DMXL1: variants seen among roughly 807,000 people sequenced by gnomAD.
DMXL1 encodes the protein Dmx like 1.
A neutral mutation model predicts 319.2 loss-of-function variants in DMXL1; 99 were observed. The ratio of observed to expected loss-of-function variants is 0.31; its 90% CI spans 0.26 to 0.37. DMXL1 has a LOEUF of 0.37. DMXL1 is among the 10% of genes least tolerant of loss of function. The probability of loss-of-function intolerance (pLI) is 1.00; values close to 1 mark genes in which losing one functional copy is unlikely to be tolerated. For missense variants in DMXL1, 3,745 were observed against 3,595.6 expected (o/e 1.04, Z -1.06); for synonymous variants, 1,385 against 1,235.2 (o/e 1.12, Z -2.54).
intron 20 of DMXL1, among the ~76,000 whole-genome samples, chr5:119,164,957 G>T (rs1407883944): frequency 6.7e-6 from 1 of 150,144 alleles, no homozygotes; most frequent in Non-Finnish European, 1.5e-5. Flanking sequence ...TAGTACAGAA[G>T]AACTTGTAAT....
At chr5:119,191,961 G>C (rs1778776027) in intron 29 of DMXL1, among the ~76,000 whole-genome samples, 1 of 152,108 alleles carries the variant, frequency 6.6e-6, no homozygotes, top group African/African-American at 2.4e-5. Flanking sequence ...CTACAATTTT[G>C]TTCAATTTTA....
intron 29 of DMXL1, among the ~76,000 whole-genome samples, chr5:119,191,114 T>C (rs541498883): frequency 1.3e-5 from 2 of 152,364 alleles, no homozygotes; most frequent in South Asian, 4.1e-4. Flanking sequence ...GACAAATATC[T>C]TTAAAGGTCA....
chr5:119,211,684 G>A (rs1308983434), intron 34 of DMXL1, among the ~76,000 whole-genome samples: 6 of 152,168 alleles, frequency 3.9e-5, no homozygotes, highest in African/African-American at 1.2e-4. Context: ...TATGCCTTCG[G>A]CATTCTTTAG....
chr5:119,192,707 C>G (rs1778913226), intron 29 of DMXL1, among the ~76,000 whole-genome samples: 1 of 152,126 alleles, frequency 6.6e-6, no homozygotes, highest in South Asian at 2.1e-4. Context: ...CTCTTGATGA[C>G]AATCTCTTGT....
At chr5:119,166,081 C>T (rs980937331) in intron 21 of DMXL1, among the ~76,000 whole-genome samples, 1 of 152,220 alleles carries the variant, frequency 6.6e-6, no homozygotes, top group African/African-American at 2.4e-5. Context: ...TTCTCTCTCA[C>T]TTCTGAGCAA....
chr5:119,237,817 T>C (rs1317227434), intron 40 of DMXL1, among the ~76,000 whole-genome samples: 1 of 152,102 alleles, frequency 6.6e-6, no homozygotes, highest in Non-Finnish European at 1.5e-5. Flanking sequence ...CTATAGCTGG[T>C]ACTGTTATTT....
chr5:119,154,343 C>G (rs1234389963), intron 19 of DMXL1, among the ~76,000 whole-genome samples: 1 of 152,156 alleles, frequency 6.6e-6, no homozygotes, highest in African/African-American at 2.4e-5. Flanking sequence ...ATTGTAAATG[C>G]AAAGGACAAG....
At chr5:119,122,518 C>A (rs1212424037) in intron 9 of DMXL1, among the ~76,000 whole-genome samples, 1 of 151,144 alleles carries the variant, frequency 6.6e-6, no homozygotes, top group Non-Finnish European at 1.5e-5. Flanking sequence ...GGGTGGCTGC[C>A]GGGCGGAGAG....
chr5:119,135,118 C>T (rs1765708460), intron 13 of DMXL1, among the ~76,000 whole-genome samples: 1 of 152,020 alleles, frequency 6.6e-6, no homozygotes, highest in African/African-American at 2.4e-5. Flanking sequence ...CATAATTTTG[C>T]AGAACACAAG....
At chr5:119,141,358 C>T (rs1580975240) in intron 13 of DMXL1, among the ~76,000 whole-genome samples, 1 of 152,128 alleles carries the variant, frequency 6.6e-6, no homozygotes, top group African/African-American at 2.4e-5. Context: ...AACCCTATGT[C>T]TTGGCCCAAA....
intron 32 of DMXL1, among the ~76,000 whole-genome samples, chr5:119,199,706 C>A (rs1210984748): frequency 6.6e-6 from 1 of 152,188 alleles, no homozygotes; most frequent in Non-Finnish European, 1.5e-5. Context: ...GTTCCCTTTT[C>A]TCTGCAACCT....
At chr5:119,136,496 A>G (rs565063189) in intron 13 of DMXL1, among the ~76,000 whole-genome samples, 1 of 152,384 alleles carries the variant, frequency 6.6e-6, no homozygotes, top group South Asian at 2.1e-4. Flanking sequence ...TTAATAGCCA[A>G]GGCAATGGGG....
chr5:119,108,815 T>G (rs920923696), intron 4 of DMXL1, among the ~76,000 whole-genome samples: 2 of 152,140 alleles, frequency 1.3e-5, no homozygotes, highest in African/African-American at 4.8e-5. Flanking sequence ...TTTCCTTTTT[T>G]TTTGAGGTGG....
chr5:119,123,663 A>C (rs1301737084), intron 9 of DMXL1, among the ~76,000 whole-genome samples: 1 of 151,386 alleles, frequency 6.6e-6, no homozygotes, highest in Admixed American at 6.6e-5. Context: ...GTATTTTTTT[A>C]ATTTTTATTT....
In DMXL1 at chr5:119,143,945, TG is replaced by T. The variant is rs750219097; in HGVS notation, c.2466+22del. The T allele has an allele frequency of 1.0e-5, 15 of 1,489,666 alleles. No individual in the cohort carries two copies. Among genetic ancestry groups the T allele is most frequent in the South Asian group, 2.6e-5 (2 of 77,940 alleles). The allele number at this position is 1,489,666 out of a possible 1,614,324, so 92.3% of individuals were successfully genotyped here. On this transcript the variant is annotated intron_variant, in intron 14 of 43. Coordinates refer to ENST00000539542, the MANE Select transcript of DMXL1 (RefSeq NM_001290321.3). The stretch of plus-strand genomic sequence containing the variant: ...TTACCAAACTTGTAAGTATTAATTT[TG>T]GGGGGGAGGTATATTAAAAAAAAGT...
intron 9 of DMXL1, chr5:119,126,783 T>C: frequency 6.4e-6 from 1 of 155,878 alleles, no homozygotes. Context: ...CTATTGTTCT[T>C]TTCCAGGGGT....
chr5:119,074,829 G>A (rs1750453709), intron 1 of DMXL1, among the ~76,000 whole-genome samples: 2 of 152,218 alleles, frequency 1.3e-5, no homozygotes, highest in Non-Finnish European at 2.9e-5. Flanking sequence ...GATTGAAAGA[G>A]TGTTTAAACC....
At chr5:119,095,056 T>C (rs1182620924) in intron 1 of DMXL1, among the ~76,000 whole-genome samples, 2 of 152,090 alleles carry the variant, frequency 1.3e-5, no homozygotes, top group Non-Finnish European at 2.9e-5. Context: ...GGTTTTGCCA[T>C]GTTGCCCAAG....
chr5:119,083,978 C>A (rs1352518042), intron 1 of DMXL1, among the ~76,000 whole-genome samples: 1 of 152,160 alleles, frequency 6.6e-6, no homozygotes, highest in African/African-American at 2.4e-5. Flanking sequence ...TGTTAAAAGC[C>A]ATTTTAACTG....
Sources: allele counts gnomAD v4.1 joint callset (sites outside exome capture counted in the v4.1 genomes callset), GRCh38; gene constraint gnomAD v4.1.1; transcripts MANE v1.5; gene names NCBI Gene and HGNC (gene_info 2026-07-23, HGNC 2026-07-21).